Variants in STAT5B observed in about 807,000 individuals in gnomAD.
STAT5B encodes signal transducer and activator of transcription 5B.
In STAT5B, 21 loss-of-function variants were observed where a neutral mutation model predicts 107.8. The observed-to-expected ratio is 0.19, with a 90% CI of 0.14 to 0.28. The LOEUF is 0.28. Among genes scored for constraint, STAT5B ranks in the 10% least tolerant of loss-of-function variants. STAT5B has a pLI of 1.00. For missense variants in STAT5B, 565 were observed against 1,008.2 expected (o/e 0.56, Z 5.95); for synonymous variants, 325 against 401.7 (o/e 0.81, Z 2.28).
intron 12 of STAT5B, chr17:42,214,151 T>TA (rs943535715): frequency 0.059 from 38,091 of 644,756 alleles, 33 homozygotes; most frequent in African/African-American, 0.063. Context: ...TCAAAAAAAT[T>TA]AAAAAAAAAA....
intron 1 of STAT5B, among the ~76,000 whole-genome samples, chr17:42,236,444 T>C (rs1361423014): frequency 1.3e-5 from 2 of 152,194 alleles, no homozygotes; most frequent in South Asian, 2.1e-4. Context: ...AGTGGTTTTT[T>C]GTTTGTTTGT....
At chr17:42,278,263 G>A (rs1402874246), upstream of STAT5B, among the ~76,000 whole-genome samples, 1 of 152,142 alleles carries the variant, frequency 6.6e-6, no homozygotes, top group Non-Finnish European at 1.5e-5. Flanking sequence ...TTCTGTCTCT[G>A]TCCCCAAGGG....
At chr17:42,223,277 C>T in intron 5 of STAT5B, 105 bp downstream of exon 5, 1 of 1,548,718 alleles carries the variant, frequency 6.5e-7, no homozygotes, top group Non-Finnish European at 8.8e-7. Flanking sequence ...AGAAAGGTCG[C>T]TGCCTCCGAA....
chr17:42,209,032 C>CAAAAG (rs1432856852), intron 15 of STAT5B, among the ~76,000 whole-genome samples: 29 of 135,606 alleles, frequency 2.1e-4, no homozygotes, highest in Admixed American at 5.3e-4. Flanking sequence ...CGCACCCAGC[C>CAAAAG]TTTTTTTTTT....
upstream of STAT5B, among the ~76,000 whole-genome samples, chr17:42,278,016 A>G (rs2144456539): frequency 6.6e-6 from 1 of 152,110 alleles, no homozygotes; most frequent in East Asian, 1.9e-4. Flanking sequence ...TCAGCCTCCC[A>G]AAGTGCTGGG....
At position 42,222,836 on chromosome 17, in the gene STAT5B, T is replaced by C. The variant is rs570570955; in HGVS notation, c.550+546A>G. ...AGCTGGGATTACATGCATGCGCCAC[T>C]GGGATGCCCAGCTAATTTTGTATTT... is the stretch of plus-strand genomic sequence containing the variant. On this transcript the variant is annotated intron_variant, in intron 5 of 18. Coordinates refer to ENST00000293328, the MANE Select transcript of STAT5B (RefSeq NM_012448.4). Among the ~76,000 whole-genome samples the C allele has an allele frequency of 4.0e-5, 6 of 151,788 alleles. No homozygotes were observed. The South Asian group carries it at 1.3e-3, about 32-fold the overall frequency.
Position 42,217,280 on chromosome 17 carries a change from G to C in STAT5B, c.1260C>G (p.Ser420=). 6.2e-7 allele frequency: 1 copy of C among 1,614,000 alleles called. No homozygotes were observed. The highest frequency in any genetic ancestry group is 8.5e-7 in the Non-Finnish European group (1 of 1,180,018). ...GTLSAHFRNM[S]LKRIKRSDRR... is the part of the protein sequence containing the mutation. ...GGTCTGACCTCTTAATTCGTTTCAG[G>C]GACTACAAAGAAGAAACATAAGATG... The change falls in exon 11 of 19, where the codon TCC becomes TCG. Residue 420 remains serine (S), a splice_region_variant and synonymous_variant. Coordinates refer to ENST00000293328, the MANE Select transcript of STAT5B (RefSeq NM_012448.4).
chr17:42,284,694 C>G, the STAT5B span, among the ~76,000 whole-genome samples: 1 of 152,198 alleles, frequency 6.6e-6, no homozygotes, highest in Non-Finnish European at 1.5e-5. Context: ...TGCTCCGCAC[C>G]GCAGAAAAAT....
intron 1 of STAT5B, among the ~76,000 whole-genome samples, chr17:42,267,489 G>GAAAAAGTTTTTAAAGTTTTGAAAAATT (rs1249768477): frequency 6.6e-6 from 1 of 151,992 alleles, no homozygotes; most frequent in South Asian, 2.1e-4. Flanking sequence ...TCACTTTTAA[G>GAAAAAGTTTTTAAAGTTTTGAAAAATT]AAAAAGTTTT....
intron 16 of STAT5B, among the ~76,000 whole-genome samples, chr17:42,204,438 G>T (rs963775853): frequency 4.6e-5 from 7 of 152,226 alleles, no homozygotes; most frequent in African/African-American, 4.8e-5. Context: ...TGTCATTTAA[G>T]TAGCCCAAGA....
chr17:42,207,810 C>A lies in STAT5B; in HGVS notation c.1907-82G>T, dbSNP rs2080098539. ...TTAAAACCCCAACATACTATAAATT[C>A]AAGCTTGCCATTATAATGGCTCCAA... On this transcript the variant is annotated intron_variant, in intron 15 of 18. Coordinates refer to ENST00000293328, the MANE Select transcript of STAT5B (RefSeq NM_012448.4). 20 of 1,465,570 alleles carry A rather than the reference C, an allele frequency of 1.4e-5. No individual in the cohort carries two copies. In the Admixed American group the frequency reaches 3.7e-4, roughly 27 times the overall value. 90.8% of individuals were successfully genotyped at this position (1,465,570 alleles called of 1,614,324 possible).
At chr17:42,258,490 C>A (rs1017524528) in intron 1 of STAT5B, among the ~76,000 whole-genome samples, 1 of 152,072 alleles carries the variant, frequency 6.6e-6, no homozygotes, top group African/African-American at 2.4e-5. Flanking sequence ...ACCAGCCTGA[C>A]GAACATGGTG....
chr17:42,211,029 C>T (rs1027939283), intron 13 of STAT5B, among the ~76,000 whole-genome samples: 9 of 151,546 alleles, frequency 5.9e-5, no homozygotes, highest in South Asian at 2.1e-4. Context: ...GGTGAAACCC[C>T]GTCTCTACTA....
intron 1 of STAT5B, among the ~76,000 whole-genome samples, chr17:42,251,785 G>T (rs921590261): frequency 1.3e-5 from 2 of 151,808 alleles, no homozygotes; most frequent in African/African-American, 4.8e-5. Context: ...GAATCACAAG[G>T]TCAGGAGCTC....
At chr17:42,249,262 G>A (rs1416432034) in intron 1 of STAT5B, among the ~76,000 whole-genome samples, 5 of 152,024 alleles carry the variant, frequency 3.3e-5, no homozygotes, top group African/African-American at 7.2e-5. Context: ...GTGTGGTGGC[G>A]CGTGACTGTA....
chr17:42,218,365 G>C (rs1393175973), intron 8 of STAT5B, 35 bp from the exon 9 acceptor site: 1 of 1,604,580 alleles, frequency 6.2e-7, no homozygotes, highest in East Asian at 2.2e-5. Context: ...CATGATGAGG[G>C]GCTGGTGCAG....
At chr17:42,270,028 G>A (rs1424657505) in intron 1 of STAT5B, among the ~76,000 whole-genome samples, 1 of 151,772 alleles carries the variant, frequency 6.6e-6, no homozygotes, top group African/African-American at 2.4e-5. Context: ...TGGCCAACAT[G>A]TCAAAACCCC....
At chr17:42,213,915 G>A (rs2080150321) in intron 12 of STAT5B, among the ~76,000 whole-genome samples, 1 of 151,054 alleles carries the variant, frequency 6.6e-6, no homozygotes, top group South Asian at 2.1e-4. Context: ...GCCGAGGTGG[G>A]TGGATCACTT....
At chr17:42,284,556 C>T in the STAT5B span, among the ~76,000 whole-genome samples, 1 of 152,172 alleles carries the variant, frequency 6.6e-6, no homozygotes, top group African/African-American at 2.4e-5. Context: ...CGTGAGCCAC[C>T]ATGCCCGGCC....
Sources: allele counts gnomAD v4.1 joint callset (sites outside exome capture counted in the v4.1 genomes callset), GRCh38; gene constraint gnomAD v4.1.1; transcripts MANE v1.5; gene names NCBI Gene and HGNC (gene_info 2026-07-23, HGNC 2026-07-21).